Variants in SMAD4 observed in about 807,000 individuals in gnomAD.
SMAD4 encodes MAD homolog 4.
A neutral mutation model predicts 63.2 loss-of-function variants in SMAD4; 7 were observed. The ratio of observed to expected loss-of-function variants is 0.11; its 90% CI spans 0.06 to 0.21. The LOEUF (loss-of-function observed/expected upper bound fraction) is 0.21. Among genes scored for constraint, SMAD4 ranks in the 10% least tolerant of loss-of-function variants. The pLI is 1.00. For missense variants in SMAD4, 312 were observed against 693.8 expected (o/e 0.45, Z 6.18); for synonymous variants, 215 against 235.4 (o/e 0.91, Z 0.79).
chr18:51,059,974 C>A (rs948588), intron 8 of SMAD4, 58 bp downstream of exon 8: 1 of 1,271,928 alleles, frequency 7.9e-7, no homozygotes, highest in African/African-American at 1.5e-5. Context: ...GTGATTGAAA[C>A]GCACAAACAC....
Position 51,067,097 on chromosome 18 carries a change from G to C in SMAD4, c.1218G>C (p.Ala406=), listed in dbSNP as rs145097078. The change falls in exon 10 of 12, where the codon GCG becomes GCC. Residue 406 remains alanine (A), a synonymous_variant. Transcript: ENST00000342988. ...GGGTCAGGTGCCTTAGTGACCACGCGGTCTTTGTACAGAGTTACTACTTAG... is the reference window on the plus strand; with the variant it reads ...GGGTCAGGTGCCTTAGTGACCACGCCGTCTTTGTACAGAGTTACTACTTAG... The part of the protein sequence containing the change: ...DVWVRCLSDH[A]VFVQSYYLDR... 1 of 1,611,766 alleles carries C rather than the reference G, an allele frequency of 6.2e-7. No homozygotes were observed. The highest frequency in any genetic ancestry group is 1.3e-5 in the African/African-American group (1 of 74,988).
rs28539779 is a variant in SMAD4 at position 51,065,650 on chromosome 18, T to C, written c.1139+44T>C. The C allele has an allele frequency of 2.4e-3, 3,539 of 1,485,646 alleles. 42 individuals carry two copies. In the African/African-American group the frequency reaches 0.028, roughly 12 times the overall value. 92.0% of individuals were successfully genotyped at this position (1,485,646 alleles called of 1,614,324 possible). On this transcript the variant is annotated intron_variant, in intron 9 of 11. Transcript: ENST00000342988. ...GATAGTTACTTTAAAAAATTGAGCA[T>C]AGTACATTGTCTTTTATTCAAGGTT...
At chr18:51,040,274 A>T (rs1343379990) in intron 1 of SMAD4, among the ~76,000 whole-genome samples, 2 of 152,092 alleles carry the variant, frequency 1.3e-5, no homozygotes, top group Non-Finnish European at 2.9e-5. Flanking sequence ...TAATACAAAA[A>T]TTAGCTGGGC....
chr18:51,048,826 A>T lies in SMAD4; in HGVS notation c.390A>T (p.Pro130=), dbSNP rs755862230. 1.9e-6 allele frequency: 3 copies of T among 1,614,008 alleles called. No individual in the cohort carries two copies. The highest frequency in any genetic ancestry group is 2.5e-6 in the Non-Finnish European group (3 of 1,179,880). The change falls in exon 3 of 12, where the codon CCA becomes CCT. Residue 130 remains proline, a synonymous_variant. Coordinates refer to ENST00000342988, the MANE Select transcript of SMAD4 (RefSeq NM_005359.6). ...DLKCDSVCVN[P]YHYERVVSPG... Reference sequence around the variant, plus strand: ...AATGTGATAGTGTCTGTGTGAATCCATATCACTACGAACGAGTTGTATCAC... The same window carrying T: ...AATGTGATAGTGTCTGTGTGAATCCTTATCACTACGAACGAGTTGTATCAC...
chr18:51,063,404 A>AAT lies in SMAD4; in HGVS notation c.956-2008_956-2007dup, dbSNP rs763574510. ...CCTTCACATTACATTTTCTATAGAC[A>AAT]ATATATATATATTTTTTTAAATTTT... On this transcript the variant is annotated intron_variant, in intron 8 of 11. Transcript: ENST00000342988. 5.3e-5 allele frequency among the ~76,000 whole-genome samples: 8 copies of AAT among 151,724 alleles called. 1 individual carries two copies. Among genetic ancestry groups the AAT allele is most frequent in the Admixed American group, 5.3e-4 (8 of 15,228 alleles).
At chr18:51,070,533 T>C (rs576338745) in intron 10 of SMAD4, among the ~76,000 whole-genome samples, 1 of 152,334 alleles carries the variant, frequency 6.6e-6, no homozygotes, top group South Asian at 2.1e-4. Flanking sequence ...TAGAAGAGTC[T>C]TACTAGTCAG....
chr18:51,068,658 C>T (rs533676064), intron 10 of SMAD4, among the ~76,000 whole-genome samples: 6 of 152,184 alleles, frequency 3.9e-5, no homozygotes, highest in Admixed American at 6.5e-5. Context: ...GTGGCTCATG[C>T]GTGTAATCTT....
chr18:51,065,550 C>T lies in SMAD4; in HGVS notation c.1083C>T (p.Arg361=). The T allele has an allele frequency of 6.2e-7, 1 of 1,614,164 alleles. No homozygotes were observed. The highest frequency in any genetic ancestry group is 8.5e-7 in the Non-Finnish European group (1 of 1,180,024). ...DGYVDPSGGD[R]FCLGQLSNVH... is the part of the protein sequence containing the mutation. ...ACGTGGACCCTTCTGGAGGAGATCG[C>T]TTTTGTTTGGGTCAACTCTCCAATG... The change falls in exon 9 of 12, where the codon CGC becomes CGT. Residue 361 remains arginine, a synonymous_variant. Transcript: ENST00000342988.
chr18:51,059,552 G>T (rs1368124220), intron 7 of SMAD4, among the ~76,000 whole-genome samples: 9 of 152,126 alleles, frequency 5.9e-5, no homozygotes, highest in African/African-American at 1.9e-4. Context: ...ATTATAAATT[G>T]TACTGTATTG....
At chr18:51,044,166 A>T (rs1006132958) in intron 1 of SMAD4, among the ~76,000 whole-genome samples, 2 of 152,008 alleles carry the variant, frequency 1.3e-5, no homozygotes, top group African/African-American at 4.8e-5. Flanking sequence ...TTTCCTTTCT[A>T]CTGAGTCTCA....
chr18:51,049,169 C>G (rs1046272931), intron 3 of SMAD4, 126 bp from the exon 4 acceptor site: 5 of 743,444 alleles, frequency 6.7e-6, no homozygotes, highest in South Asian at 6.5e-5. Flanking sequence ...TATGCTACTT[C>G]TGAATTGAAA....
In SMAD4 at chr18:51,079,148, C is replaced by A. The variant is rs1910544864; in HGVS notation, c.*681C>A. On this transcript the variant is annotated 3_prime_UTR_variant, in exon 12 of 12. Coordinates refer to ENST00000342988, the MANE Select transcript of SMAD4 (RefSeq NM_005359.6). ...TTGAGAATCCCTTAAAATTACCAGA[C>A]AAAAAAATTTAAAATTACGTTTGTT... The A allele has an allele frequency of 4.3e-6, 1 of 232,826 alleles. No individual in the cohort carries two copies. The highest frequency in any genetic ancestry group is 6.1e-5 in the East Asian group (1 of 16,460). 14.4% of individuals were successfully genotyped at this position (232,826 alleles called of 1,614,324 possible).
In SMAD4 at chr18:51,059,844, ATTT is replaced by A. The variant is rs746847153; in HGVS notation, c.905-19_905-17del. ...ACAACTTTTAGTAAATAAAAATGGA[ATTT>A]TTGTTGTCTTTTCTTTAGGGCCTGT... On this transcript the variant is annotated intron_variant, in intron 7 of 11. Transcript: ENST00000342988. 41 of 1,602,366 alleles carry A rather than the reference ATTT, an allele frequency of 2.6e-5. No homozygotes were observed. The Middle Eastern group carries it at 6.6e-4, about 26-fold the overall frequency.
At chr18:51,057,956 C>T (rs1909884564) in intron 5 of SMAD4, among the ~76,000 whole-genome samples, 169 bp from the exon 6 acceptor site, 1 of 152,164 alleles carries the variant, frequency 6.6e-6, no homozygotes. Context: ...TAAAGTTTGC[C>T]TTTATAGATG....
At chr18:51,065,202 G>A (rs2144445531) in intron 8 of SMAD4, among the ~76,000 whole-genome samples, 1 of 152,184 alleles carries the variant, frequency 6.6e-6, no homozygotes, top group Non-Finnish European at 1.5e-5. Context: ...AAAAATTAGT[G>A]TTTTAAGAAC....
At position 51,058,370 on chromosome 18, in the gene SMAD4, C is replaced by G. The variant is rs1282145977; in HGVS notation, c.818C>G (p.Thr273Ser). 1 of 1,614,050 alleles carries G rather than the reference C, an allele frequency of 6.2e-7. No individual in the cohort carries two copies. The highest frequency in any genetic ancestry group is 8.5e-7 in the Non-Finnish European group (1 of 1,180,002). Reference sequence around the variant, plus strand: ...ACTACCACCTGGACTGGAAGTAGGACTGCACCATACACACCTAATTTGCCT... The same window carrying G: ...ACTACCACCTGGACTGGAAGTAGGAGTGCACCATACACACCTAATTTGCCT... ...NSTTTWTGSRTAPYTPNLPHH... is the reference protein window; with the variant it reads ...NSTTTWTGSRSAPYTPNLPHH... Residue 273 changes from threonine (T) to serine (S), a missense_variant, in exon 7 of 12, where the codon ACT (threonine) becomes AGT (serine). Coordinates refer to ENST00000342988, the MANE Select transcript of SMAD4 (RefSeq NM_005359.6).
At chr18:51,049,960 A>G (rs1301123908) in intron 4 of SMAD4, among the ~76,000 whole-genome samples, 1 of 152,210 alleles carries the variant, frequency 6.6e-6, no homozygotes, top group Non-Finnish European at 1.5e-5. Context: ...TTTTATTGTA[A>G]TATTTGAGAA....
chr18:51,059,452 T>C (rs1324741209), intron 7 of SMAD4, among the ~76,000 whole-genome samples: 2 of 152,274 alleles, frequency 1.3e-5, no homozygotes, highest in Non-Finnish European at 2.9e-5. Flanking sequence ...TTTTCAATTA[T>C]GTTAGCTATG....
At chr18:51,050,071 C>G (rs1909660750) in intron 4 of SMAD4, among the ~76,000 whole-genome samples, 1 of 152,092 alleles carries the variant, frequency 6.6e-6, no homozygotes, top group African/African-American at 2.4e-5. Flanking sequence ...TAAAGAACCA[C>G]TGTCAGCCAG....
Sources: gnomAD v4.1 joint callset for allele counts (sites outside exome capture counted in the v4.1 genomes callset) on GRCh38, gnomAD v4.1.1 for gene constraint, MANE v1.5 for transcripts, NCBI Gene and HGNC (gene_info 2026-07-23, HGNC 2026-07-21) for gene names.